Variants in VPS26A observed in about 807,000 individuals in gnomAD.
VPS26A encodes the protein VPS26 retromer complex component A.
VPS26A carries 22 observed loss-of-function variants against 42.4 expected under a neutral mutation model. The ratio of observed to expected loss-of-function variants is 0.52; its 90% confidence interval spans 0.37 to 0.74. The LOEUF is 0.74. Among genes scored for constraint, VPS26A ranks in the 30% least tolerant of loss-of-function variants. The pLI, the probability that VPS26A is intolerant of heterozygous loss-of-function variation, is 0.00. For synonymous variants in VPS26A, 110 were observed against 123.5 expected, an observed-to-expected ratio of 0.89 and a Z score of 0.73; for missense variants, 276 against 379.2, an observed-to-expected ratio of 0.73 and a Z score of 2.26.
At chr10:69,145,968 A>C (rs10762261) in intron 2 of VPS26A, among the ~76,000 whole-genome samples, 71,273 of 152,010 alleles carry the variant, frequency 0.47, 19,074 homozygotes, top group Middle Eastern at 0.72. Context: ...GACATTTCAT[A>C]TAAATGGCAT....
chr10:69,157,901 C>T (rs1841466828), intron 4 of VPS26A, 146 bp from the exon 5 acceptor site: 2 of 600,974 alleles, frequency 3.3e-6, no homozygotes, highest in African/African-American at 1.9e-5. Context: ...AAAATTGGAA[C>T]TCCTTCGTGA....
intron 3 of VPS26A, 69 bp downstream of exon 3, chr10:69,155,956 C>A: frequency 3.3e-6 from 4 of 1,221,998 alleles, no homozygotes; most frequent in South Asian, 1.3e-5. Context: ...GATTTTGCAC[C>A]AAAATAATTG....
intron 2 of VPS26A, among the ~76,000 whole-genome samples, chr10:69,138,479 G>A (rs993029350): frequency 6.6e-6 from 1 of 152,094 alleles, no homozygotes; most frequent in African/African-American, 2.4e-5. Context: ...TTGCTAACTG[G>A]TATGACAAGA....
In VPS26A at chr10:69,171,279, G is replaced by A. The variant is rs1841808552; in HGVS notation, c.*10G>A. On this transcript the variant is annotated 3_prime_UTR_variant, in exon 9 of 9. Transcript: ENST00000263559. ...ACAGCCTGAAATGTGAACTGAACAG[G>A]AGAAAAAAAGAAAAGCAAAAAACTC... is the stretch of plus-strand genomic sequence containing the variant. The A allele has an allele frequency of 1.3e-6, 2 of 1,598,120 alleles. No homozygotes were observed. Among genetic ancestry groups the A allele is most frequent in the East Asian group, 2.2e-5 (1 of 44,660 alleles).
In VPS26A at chr10:69,163,950, G is replaced by C. The variant is rs528024267; in HGVS notation, c.658+1438G>C. Among the ~76,000 whole-genome samples, 3 of 151,146 alleles carry C rather than the reference G, an allele frequency of 2.0e-5. No individual in the cohort carries two copies. In the East Asian group the frequency reaches 5.8e-4, roughly 29 times the overall value. ...CCGGCTAATTTTTTTTGTATTTTTAGTAGAGACGGGGTTTCACCGTGTTAG... is the reference window on the plus strand; with the variant it reads ...CCGGCTAATTTTTTTTGTATTTTTACTAGAGACGGGGTTTCACCGTGTTAG... On this transcript the variant is annotated intron_variant, in intron 6 of 8. Transcript: ENST00000263559.
At chr10:69,149,398 A>G (rs7075354) in intron 2 of VPS26A, among the ~76,000 whole-genome samples, 5,453 of 152,312 alleles carry the variant, frequency 0.036, 339 homozygotes, top group African/African-American at 0.12. Flanking sequence ...TAAATAAGTC[A>G]GGGTCAAGAA....
chr10:69,168,042 G>A (rs555549804), intron 7 of VPS26A, among the ~76,000 whole-genome samples: 5 of 152,214 alleles, frequency 3.3e-5, no homozygotes, highest in Non-Finnish European at 5.9e-5. Flanking sequence ...GAATACTATT[G>A]TTATTCCCCA....
chr10:69,137,104 A>G (rs1308256083), intron 2 of VPS26A, among the ~76,000 whole-genome samples: 1 of 152,130 alleles, frequency 6.6e-6, no homozygotes, highest in East Asian at 1.9e-4. Context: ...GCGTGTTTTA[A>G]AAAATAATAA....
chr10:69,144,972 C>T (rs1197056606), intron 2 of VPS26A, among the ~76,000 whole-genome samples: 1 of 151,222 alleles, frequency 6.6e-6, no homozygotes, highest in African/African-American at 2.4e-5. Context: ...CTTTGCCTAC[C>T]CCTTGGGCAC....
rs112205675 is a variant in VPS26A at position 69,136,051 on chromosome 10, G to T, written c.153+3004G>T. Among the ~76,000 whole-genome samples the T allele has an allele frequency of 3.8e-4, 57 of 151,926 alleles. 2 individuals are homozygous for T. The highest frequency in any genetic ancestry group is 1.3e-3 in the African/African-American group (54 of 41,430). On this transcript the variant is annotated intron_variant, in intron 2 of 8. Coordinates refer to ENST00000263559, the MANE Select transcript of VPS26A (RefSeq NM_004896.5). ...CCCTCTTCATACCTTTCTTTAACTT[G>T]CAATATCTGTTGAAGAACACTTGGT...
At chr10:69,168,999 A>G (rs1431975750) in intron 8 of VPS26A, among the ~76,000 whole-genome samples, 2 of 151,702 alleles carry the variant, frequency 1.3e-5, no homozygotes, top group Non-Finnish European at 2.9e-5. Flanking sequence ...TAATGTGTGT[A>G]TGTGTGTTTA....
chr10:69,173,708 G>A lies in VPS26A; in HGVS notation c.*2439G>A, dbSNP rs1167153138. 6.6e-6 allele frequency among the ~76,000 whole-genome samples: 1 copy of A among 152,156 alleles called. No homozygotes were observed. Among genetic ancestry groups the A allele is most frequent in the Non-Finnish European group, 1.5e-5 (1 of 68,034 alleles). On this transcript the variant is annotated 3_prime_UTR_variant, in exon 9 of 9. Transcript: ENST00000263559. ...TGTACCAATCAGTGCTTGTGAAAAC[G>A]CACCAATCAGGCTGGGCACAGTGGC...
intron 1 of VPS26A, among the ~76,000 whole-genome samples, chr10:69,129,861 C>G (rs1408163901): frequency 2.0e-5 from 3 of 152,208 alleles, no homozygotes; most frequent in African/African-American, 4.8e-5. Flanking sequence ...AAGTACTAAT[C>G]TGGTAATTCT....
intron 7 of VPS26A, among the ~76,000 whole-genome samples, chr10:69,167,742 C>CAAAAAAAAAAAAAAAAAAAA (rs35974356): frequency 1.5e-5 from 1 of 66,326 alleles, no homozygotes; most frequent in Non-Finnish European, 2.8e-5. Context: ...GACTCCATCT[C>CAAAAAAAAAAAAAAAAAAAA]AAAAAAAAAA....
chr10:69,147,619 G>T (rs1841190796), intron 2 of VPS26A, among the ~76,000 whole-genome samples: 1 of 152,128 alleles, frequency 6.6e-6, no homozygotes, highest in African/African-American at 2.4e-5. Flanking sequence ...TTATTCTTTT[G>T]CATGTCAGTA....
chr10:69,140,146 C>T (rs1841010293), intron 2 of VPS26A, among the ~76,000 whole-genome samples: 1 of 152,036 alleles, frequency 6.6e-6, no homozygotes, highest in South Asian at 2.1e-4. Context: ...TGGCTCACTG[C>T]AGCCTTGACC....
intron 2 of VPS26A, among the ~76,000 whole-genome samples, chr10:69,151,283 A>AAAAAAAAAAAAAAAAAAAAC (rs59929053): frequency 2.5e-5 from 3 of 122,166 alleles, no homozygotes; most frequent in African/African-American, 7.0e-5. Flanking sequence ...AAAAAAAAAA[A>AAAAAAAAAAAAAAAAAAAAC]CACACACACA....
At chr10:69,133,259 C>T (rs536525154) in intron 2 of VPS26A, among the ~76,000 whole-genome samples, 1 of 151,830 alleles carries the variant, frequency 6.6e-6, no homozygotes, top group African/African-American at 2.4e-5. Context: ...GGAAGAGCCT[C>T]TAAATTTCAT....
intron 1 of VPS26A, among the ~76,000 whole-genome samples, chr10:69,127,887 G>T (rs1052790572): frequency 2.6e-5 from 4 of 151,712 alleles, no homozygotes; most frequent in Non-Finnish European, 5.9e-5. Flanking sequence ...TGTAGATATG[G>T]GGGTCTAGCT....
Sources: gnomAD v4.1 joint callset for allele counts (sites outside exome capture counted in the v4.1 genomes callset) on GRCh38, gnomAD v4.1.1 for gene constraint, MANE v1.5 for transcripts, NCBI Gene and HGNC (gene_info 2026-07-23, HGNC 2026-07-21) for gene names.